Variants in KTN1 observed in about 807,000 individuals in gnomAD.
KTN1 encodes kinectin.
Under a neutral mutation model 222.5 loss-of-function variants are expected in KTN1, and 130 were observed. The observed-to-expected ratio is 0.58, with a 90% CI of 0.51 to 0.68. The LOEUF is 0.68. Ranked by LOEUF, KTN1 falls within the 30% of genes least tolerant of loss-of-function variation. The pLI is 0.00. For synonymous variants in KTN1, 512 were observed against 496.3 expected (o/e 1.03, Z -0.42); for missense variants, 1,508 against 1,500.4 (o/e 1.01, Z -0.08).
chr14:55,644,311 A>G (rs2042080013), intron 18 of KTN1: 1 of 693,346 alleles, frequency 1.4e-6, no homozygotes, highest in South Asian at 1.5e-5. Flanking sequence ...TTAGTTATGT[A>G]AAAATTTCAG....
At chr14:55,664,835 CAG>C (rs1411465928) in intron 33 of KTN1, among the ~76,000 whole-genome samples, 1 of 151,944 alleles carries the variant, frequency 6.6e-6, no homozygotes, top group Non-Finnish European at 1.5e-5. Context: ...AAATGTGAAA[CAG>C]GGGTATTGAA....
At chr14:55,594,639 A>C (rs1230343988) in intron 1 of KTN1, among the ~76,000 whole-genome samples, 2 of 152,142 alleles carry the variant, frequency 1.3e-5, no homozygotes, top group Non-Finnish European at 2.9e-5. Context: ...CTAATTTAAA[A>C]GCTATTAAAT....
intron 28 of KTN1, among the ~76,000 whole-genome samples, chr14:55,655,765 T>C (rs1042042603): frequency 6.6e-6 from 1 of 152,236 alleles, no homozygotes; most frequent in Non-Finnish European, 1.5e-5. Flanking sequence ...GAAGTGGTAA[T>C]TTTTGCAACA....
chr14:55,631,271 C>T (rs927726230), intron 7 of KTN1, among the ~76,000 whole-genome samples: 1 of 147,454 alleles, frequency 6.8e-6, no homozygotes, highest in African/African-American at 2.5e-5. Context: ...GCTGGCTGAT[C>T]CTTCAATTTG....
At chr14:55,581,458 T>A (rs1057152473) in intron 1 of KTN1, among the ~76,000 whole-genome samples, 2 of 151,408 alleles carry the variant, frequency 1.3e-5, no homozygotes, top group African/African-American at 4.9e-5. Context: ...TGTGTGTGTG[T>A]GAGTGTGTGT....
chr14:55,634,323 A>T (rs930852298), intron 8 of KTN1, among the ~76,000 whole-genome samples: 4 of 152,158 alleles, frequency 2.6e-5, no homozygotes, highest in African/African-American at 9.7e-5. Flanking sequence ...TTTTACAGTG[A>T]TTTTAGAATT....
chr14:55,583,772 A>G (rs1157242767), intron 1 of KTN1, among the ~76,000 whole-genome samples: 1 of 152,178 alleles, frequency 6.6e-6, no homozygotes, highest in African/African-American at 2.4e-5. Context: ...TGTTAGGCCT[A>G]TCCACTTGGA....
intron 1 of KTN1, among the ~76,000 whole-genome samples, chr14:55,598,307 C>A (rs1468040705): frequency 6.6e-6 from 1 of 151,738 alleles, no homozygotes; most frequent in East Asian, 1.9e-4. Context: ...TGTTGGCGGG[C>A]GCCTGTAGTC....
intron 1 of KTN1, among the ~76,000 whole-genome samples, chr14:55,611,718 C>T (rs528643640): frequency 1.1e-4 from 17 of 152,136 alleles, no homozygotes; most frequent in African/African-American, 2.4e-4. Flanking sequence ...GTGGATATTT[C>T]GGGAAAAGAA....
chr14:55,645,732 C>T (rs1160482926), intron 18 of KTN1, among the ~76,000 whole-genome samples: 2 of 152,202 alleles, frequency 1.3e-5, no homozygotes, highest in South Asian at 2.1e-4. Flanking sequence ...TCCTACAAAA[C>T]AATTCTTATG....
chr14:55,671,900 G>T, intron 37 of KTN1, 23 bp downstream of exon 37: 2 of 1,373,578 alleles, frequency 1.5e-6, no homozygotes, highest in South Asian at 2.3e-5. Context: ...GAAAAGCTTA[G>T]AGCAGTGGTT....
At chr14:55,582,387 A>G (rs1212853859) in intron 1 of KTN1, among the ~76,000 whole-genome samples, 1 of 152,146 alleles carries the variant, frequency 6.6e-6, no homozygotes, top group African/African-American at 2.4e-5. Context: ...ATATCAGTCA[A>G]TATGGCTTTT....
chr14:55,622,447 T>C (rs1218408317), intron 5 of KTN1, among the ~76,000 whole-genome samples: 3 of 152,192 alleles, frequency 2.0e-5, no homozygotes, highest in Non-Finnish European at 4.4e-5. Context: ...TCTATATTCT[T>C]ATGGGTCATA....
In KTN1 at chr14:55,673,259, A is replaced by C. The variant is rs377182589; in HGVS notation, c.3771+4A>C. ...ACAGAATGAAGAGCTAAATTTGGTA[A>C]GAAGCTTGTCCTCCACTGGGTATCA... On this transcript the variant is annotated splice_donor_region_variant and intron_variant, in intron 40 of 43. Coordinates refer to ENST00000395314, the MANE Select transcript of KTN1 (RefSeq NM_001079521.2). 36 of 1,600,354 alleles carry C rather than the reference A, an allele frequency of 2.2e-5. No homozygotes were observed. The highest frequency in any genetic ancestry group is 3.0e-5 in the Non-Finnish European group (35 of 1,168,194).
At chr14:55,599,882 A>G (rs541620023) in intron 1 of KTN1, among the ~76,000 whole-genome samples, 1 of 152,210 alleles carries the variant, frequency 6.6e-6, no homozygotes, top group African/African-American at 2.4e-5. Flanking sequence ...TTTTGTGTCA[A>G]TACTACTTAT....
intron 33 of KTN1, among the ~76,000 whole-genome samples, chr14:55,664,463 G>A (rs1035757402): frequency 1.3e-5 from 2 of 152,170 alleles, no homozygotes; most frequent in African/African-American, 4.8e-5. Flanking sequence ...CTCAGATAAG[G>A]TAGAGAAATG....
At chr14:55,643,115 AGC>A (rs890123953) in intron 18 of KTN1, among the ~76,000 whole-genome samples, 1 of 152,050 alleles carries the variant, frequency 6.6e-6, no homozygotes, top group African/African-American at 2.4e-5. Context: ...TTGCAATATT[AGC>A]CAGGCTGGTC....
rs772522766 is a variant in KTN1 at position 55,684,064 on chromosome 14, T to G, written c.4070-35T>G. The G allele has an allele frequency of 1.9e-6, 3 of 1,585,668 alleles. No homozygotes were observed. The Admixed American group carries it at 5.2e-5, about 28-fold the overall frequency. On this transcript the variant is annotated intron_variant, in intron 43 of 43. Coordinates refer to ENST00000395314, the MANE Select transcript of KTN1 (RefSeq NM_001079521.2). ...TCTGATTGCCTTCTGTTGCTTTGTT[T>G]TAAAGTGAAATTCATTCTTTCTGAT...
intron 42 of KTN1, chr14:55,678,743 C>T (rs1025002002): frequency 6.6e-6 from 2 of 304,022 alleles, no homozygotes; most frequent in Non-Finnish European, 1.2e-5. Flanking sequence ...GGTGAATGAC[C>T]ATTGCCGCCT....
Sources: allele counts gnomAD v4.1 joint callset (sites outside exome capture counted in the v4.1 genomes callset), GRCh38; gene constraint gnomAD v4.1.1; transcripts MANE v1.5; gene names NCBI Gene and HGNC (gene_info 2026-07-23, HGNC 2026-07-21).